Variants in FAM174B observed in about 807,000 individuals in gnomAD.
FAM174B encodes the protein family with sequence similarity 174 member B.
FAM174B carries 12 observed loss-of-function variants against 10.9 expected under a neutral mutation model. That is an observed-to-expected ratio of 1.10 (90% CI 0.71 to 1.79). The LOEUF is 1.79. Ranked by LOEUF, FAM174B falls within the 40% of genes most tolerant of loss-of-function variation. The pLI is 0.00. For synonymous variants in FAM174B, 132 were observed against 115.8 expected, an observed-to-expected ratio of 1.14 and a Z score of -0.90; for missense variants, 266 against 233.3, an observed-to-expected ratio of 1.14 and a Z score of -0.91.
intron 1 of FAM174B, among the ~76,000 whole-genome samples, chr15:92,633,198 G>A (rs181454484): frequency 6.6e-6 from 1 of 152,274 alleles, no homozygotes; most frequent in African/African-American, 2.4e-5. Flanking sequence ...CCCGAGTGGA[G>A]ACCACATCAA....
chr15:92,630,758 TAA>T (rs1567044602), intron 1 of FAM174B, among the ~76,000 whole-genome samples: 1 of 7,674 alleles, frequency 1.3e-4, no homozygotes, highest in Non-Finnish European at 7.3e-4. Context: ...TATTATATAA[TAA>T]TATATAATAA....
At chr15:92,633,766 T>C (rs565898743) in intron 1 of FAM174B, among the ~76,000 whole-genome samples, 13 of 152,122 alleles carry the variant, frequency 8.5e-5, no homozygotes, top group Non-Finnish European at 1.5e-4. Context: ...TTATAAACAG[T>C]TGGATCCACA....
intron 1 of FAM174B, among the ~76,000 whole-genome samples, chr15:92,634,005 C>T (rs1163518636): frequency 1.3e-5 from 2 of 152,204 alleles, no homozygotes; most frequent in Admixed American, 6.5e-5. Context: ...TCCCGATCTA[C>T]ACGCCTTTCT....
intron 1 of FAM174B, among the ~76,000 whole-genome samples, chr15:92,640,080 T>C (rs1277420913): frequency 1.3e-5 from 2 of 152,116 alleles, no homozygotes; most frequent in Non-Finnish European, 2.9e-5. Context: ...GGTAACTCAT[T>C]AAATATTTTG....
intron 1 of FAM174B, among the ~76,000 whole-genome samples, chr15:92,638,028 C>A (rs1052718223): frequency 4.6e-5 from 7 of 152,146 alleles, no homozygotes; most frequent in African/African-American, 1.7e-4. Flanking sequence ...AAGGACAGAC[C>A]AGCTAGCACT....
Position 92,618,461 on chromosome 15 carries a change from C to T in FAM174B, c.*995G>A, listed in dbSNP as rs561173979. The T allele has an allele frequency of 2.6e-5, 4 of 152,538 alleles. No homozygotes were observed. The highest frequency in any genetic ancestry group is 1.9e-4 in the East Asian group (1 of 5,184). The allele number at this position is 152,538 out of a possible 1,614,324, so 9.4% of individuals were successfully genotyped here. A position where few individuals can be genotyped will look rare whatever the true frequency, so the allele number is the denominator to read the frequency against. The stretch of plus-strand genomic sequence containing the variant: ...GGACCTCCTGGGTCCTGTGGGGTCT[C>T]CTGGGTCCAGGTGGGTTCCTAGTCC... On this transcript the variant is annotated 3_prime_UTR_variant, in exon 3 of 3. Transcript: ENST00000327355.
At chr15:92,633,915 G>T (rs1346263125) in intron 1 of FAM174B, among the ~76,000 whole-genome samples, 1 of 151,978 alleles carries the variant, frequency 6.6e-6, no homozygotes, top group African/African-American at 2.4e-5. Flanking sequence ...CCCAGAAGTG[G>T]ATCCAAATGC....
Position 92,630,333 on chromosome 15 carries a change from C to T in FAM174B, c.357G>A (p.Arg119=), listed in dbSNP as rs1351025271. 6.2e-7 allele frequency: 1 copy of T among 1,612,556 alleles called. No individual in the cohort carries two copies. The highest frequency in any genetic ancestry group is 1.7e-5 in the Admixed American group (1 of 59,804). ...TATCATACTTGCGTGTCTTCTTTAA[C>T]CTCTTTCCCGACCTGCAGGAGAAGA... The part of the protein sequence containing the change: ...LLLRVFRSGK[R]LKKTRKYDII... The change falls in exon 2 of 3, where the codon AGG becomes AGA. Residue 119 remains arginine (R), a synonymous_variant. Transcript: ENST00000327355.
intron 2 of FAM174B, among the ~76,000 whole-genome samples, chr15:92,624,054 C>G (rs998322057): frequency 6.6e-6 from 1 of 152,096 alleles, no homozygotes; most frequent in Admixed American, 6.5e-5. Flanking sequence ...TTTTAAGGTG[C>G]CCTGGCTTTG....
intron 1 of FAM174B, among the ~76,000 whole-genome samples, chr15:92,647,612 T>G (rs572387424): frequency 6.6e-6 from 1 of 152,150 alleles, no homozygotes; most frequent in Non-Finnish European, 1.5e-5. Flanking sequence ...ATAGAGATCA[T>G]AAGACTGGCA....
At chr15:92,629,651 T>C (rs2050777606) in intron 2 of FAM174B, among the ~76,000 whole-genome samples, 1 of 152,188 alleles carries the variant, frequency 6.6e-6, no homozygotes, top group South Asian at 2.1e-4. Flanking sequence ...GGAAAAGTAA[T>C]AAGCAATTCT....
chr15:92,619,428 A>G lies in FAM174B; in HGVS notation c.*28T>C. ...AGGTTGCAGCTGACCAACTTTCCAC[A>G]GGATGCCACCAGGCTGGGAAACAGG... On this transcript the variant is annotated 3_prime_UTR_variant, in exon 3 of 3. Coordinates refer to ENST00000327355, the MANE Select transcript of FAM174B (RefSeq NM_207446.3). The G allele has an allele frequency of 6.2e-7, 1 of 1,613,908 alleles. No individual in the cohort carries two copies. The highest frequency in any genetic ancestry group is 8.5e-7 in the Non-Finnish European group (1 of 1,179,826).
chr15:92,632,682 T>G (rs1218920883), intron 1 of FAM174B, among the ~76,000 whole-genome samples: 1 of 106,982 alleles, frequency 9.3e-6, no homozygotes, highest in African/African-American at 4.1e-5. Flanking sequence ...GGCTGGGTTG[T>G]TTTTTTTTTT....
At chr15:92,635,169 C>CCACA (rs58350171) in intron 1 of FAM174B, among the ~76,000 whole-genome samples, 2,723 of 10,732 alleles carry the variant, frequency 0.25, 67 homozygotes, top group African/African-American at 0.37. Flanking sequence ...CCACACACAC[C>CCACA]CACACACACA....
chr15:92,641,915 T>C (rs567300766), intron 1 of FAM174B, among the ~76,000 whole-genome samples: 34 of 152,254 alleles, frequency 2.2e-4, no homozygotes, highest in African/African-American at 7.2e-4. Context: ...AAACTATACA[T>C]CTGATCAAAG....
chr15:92,648,466 T>C (rs1438698938), intron 1 of FAM174B, among the ~76,000 whole-genome samples: 4 of 152,124 alleles, frequency 2.6e-5, no homozygotes, highest in South Asian at 4.2e-4. Flanking sequence ...CTGGGTTCAG[T>C]GTTGGGGAGA....
intron 2 of FAM174B, among the ~76,000 whole-genome samples, chr15:92,621,675 A>C (rs1244742576): frequency 1.3e-5 from 2 of 151,856 alleles, no homozygotes; most frequent in Admixed American, 1.3e-4. Context: ...CAGACTAGAG[A>C]AAGAGAAAAA....
At chr15:92,648,109 C>G (rs1265726943) in intron 1 of FAM174B, among the ~76,000 whole-genome samples, 4 of 152,146 alleles carry the variant, frequency 2.6e-5, no homozygotes, top group African/African-American at 7.2e-5. Flanking sequence ...TGGGCTGAAC[C>G]AAAGTAAACC....
chr15:92,642,952 T>C (rs1339684296), intron 1 of FAM174B, among the ~76,000 whole-genome samples: 3 of 152,168 alleles, frequency 2.0e-5, no homozygotes, highest in Admixed American at 6.5e-5. Flanking sequence ...TATGGTCCCA[T>C]GTATATGAAA....
Sources: allele counts gnomAD v4.1 joint callset (sites outside exome capture counted in the v4.1 genomes callset), GRCh38; gene constraint gnomAD v4.1.1; transcripts MANE v1.5; gene names NCBI Gene and HGNC (gene_info 2026-07-23, HGNC 2026-07-21).